Variants in ACACA observed in about 807,000 individuals in gnomAD.
ACACA encodes acetyl-CoA carboxylase alpha, also known as acetyl-CoA carboxylase 1.
A neutral mutation model predicts 296.1 loss-of-function variants in ACACA; 103 were observed. The observed-to-expected ratio is 0.35, with a 90% CI of 0.30 to 0.41. ACACA has a LOEUF of 0.41. Among genes scored for constraint, ACACA ranks in the 10% least tolerant of loss-of-function variants. ACACA has a pLI of 1.00. For synonymous variants in ACACA, 953 were observed against 1,038.6 expected, an observed-to-expected ratio of 0.92 and a Z score of 1.58; for missense variants, 1,554 against 2,989.7, an observed-to-expected ratio of 0.52 and a Z score of 11.20.
intron 1 of ACACA, among the ~76,000 whole-genome samples, chr17:37,385,611 A>G (rs971687543): frequency 6.6e-6 from 1 of 152,196 alleles, no homozygotes; most frequent in Non-Finnish European, 1.5e-5. Context: ...CACTTGCAGC[A>G]GTCATTAAGG....
Position 37,309,487 on chromosome 17 carries a change from T to C in ACACA, c.338+20686A>G, listed in dbSNP as rs559371552. Among the ~76,000 whole-genome samples, 7 of 152,190 alleles carry C rather than the reference T, an allele frequency of 4.6e-5. No individual in the cohort carries two copies. The East Asian group carries it at 1.2e-3, about 25-fold the overall frequency. On this transcript the variant is annotated intron_variant, in intron 3 of 55. Transcript: ENST00000616317. Reference sequence around the variant, plus strand: ...CATTACAAATTGTGATAAATGCTATTGCAATGGGAAAAAAAGGAACACTGT... The same window carrying C: ...CATTACAAATTGTGATAAATGCTATCGCAATGGGAAAAAAAGGAACACTGT...
At chr17:37,298,128 G>T (rs946887421) in intron 3 of ACACA, among the ~76,000 whole-genome samples, 2 of 151,864 alleles carry the variant, frequency 1.3e-5, no homozygotes, top group Non-Finnish European at 2.9e-5. Context: ...CAGCTATATT[G>T]TAGTTACTTT....
intron 12 of ACACA, 32 bp downstream of exon 12, chr17:37,259,328 T>C (rs373425621): frequency 6.2e-6 from 10 of 1,613,728 alleles, no homozygotes; most frequent in Middle Eastern, 1.7e-4. Context: ...CTGACTTTTC[T>C]AGGCTCTGCA....
At chr17:37,132,542 T>C (rs1007112440) in intron 45 of ACACA, among the ~76,000 whole-genome samples, 3 of 152,096 alleles carry the variant, frequency 2.0e-5, no homozygotes, top group Non-Finnish European at 4.4e-5. Context: ...AAAATAAAAT[T>C]GGAAAGGGGG....
chr17:37,189,896 C>T (rs545183902), intron 38 of ACACA, among the ~76,000 whole-genome samples: 1 of 151,878 alleles, frequency 6.6e-6, no homozygotes, highest in Non-Finnish European at 1.5e-5. Context: ...AAAAGTCTAC[C>T]AGGCATGATG....
chr17:37,205,657 G>T, intron 33 of ACACA, 108 bp downstream of exon 33: 1 of 886,170 alleles, frequency 1.1e-6, no homozygotes, highest in Non-Finnish European at 1.9e-6. Flanking sequence ...AGTTCTGAGA[G>T]TTATGATAAA....
chr17:37,203,188 C>G (rs2078348723), intron 33 of ACACA, among the ~76,000 whole-genome samples: 1 of 151,900 alleles, frequency 6.6e-6, no homozygotes, highest in African/African-American at 2.4e-5. Flanking sequence ...TCTTGAACTC[C>G]TGACCTTGTG....
At chr17:37,376,576 T>C (rs2050012270) in intron 1 of ACACA, among the ~76,000 whole-genome samples, 1 of 152,112 alleles carries the variant, frequency 6.6e-6, no homozygotes, top group South Asian at 2.1e-4. Flanking sequence ...TGATATTGGG[T>C]GGAATGGCAT....
intron 3 of ACACA, among the ~76,000 whole-genome samples, chr17:37,305,846 C>T (rs547004336): frequency 6.6e-6 from 1 of 151,654 alleles, no homozygotes; most frequent in Admixed American, 6.6e-5. Flanking sequence ...GGAACAATCC[C>T]AGACAAGAAT....
At chr17:37,238,992 A>C (rs1452995097) in intron 24 of ACACA, among the ~76,000 whole-genome samples, 1 of 151,900 alleles carries the variant, frequency 6.6e-6, no homozygotes, top group Non-Finnish European at 1.5e-5. Flanking sequence ...ATGCCTGGCT[A>C]ATTGTTTTTA....
intron 1 of ACACA, among the ~76,000 whole-genome samples, chr17:37,383,513 T>C (rs1597763180): frequency 1.3e-5 from 2 of 152,346 alleles, no homozygotes; most frequent in East Asian, 3.9e-4. Context: ...TCACTCATGA[T>C]ACATTTTTAT....
chr17:37,144,002 G>A (rs1342647011), intron 45 of ACACA: 1 of 806,260 alleles, frequency 1.2e-6, no homozygotes, highest in African/African-American at 1.7e-5. Flanking sequence ...AACGCTGAAG[G>A]AAGCCTCTTG....
intron 50 of ACACA, among the ~76,000 whole-genome samples, chr17:37,119,868 A>G (rs1204687243): frequency 1.3e-5 from 2 of 150,726 alleles, no homozygotes; most frequent in African/African-American, 4.9e-5. Flanking sequence ...GTATGTCTTA[A>G]GTATTTTCTT....
chr17:37,390,291 A>G (rs1186697760), intron 1 of ACACA, among the ~76,000 whole-genome samples: 1 of 45,112 alleles, frequency 2.2e-5, no homozygotes, highest in Non-Finnish European at 3.5e-5. Context: ...ATATAATTAT[A>G]TATTATACAT....
chr17:37,277,607 T>C (rs1240283125), intron 6 of ACACA, among the ~76,000 whole-genome samples: 2 of 152,248 alleles, frequency 1.3e-5, no homozygotes, highest in Non-Finnish European at 2.9e-5. Flanking sequence ...TTTAGGCTAA[T>C]ATTCCACAAC....
intron 54 of ACACA, among the ~76,000 whole-genome samples, chr17:37,095,508 G>A (rs1231283891): frequency 6.6e-6 from 1 of 152,154 alleles, no homozygotes; most frequent in Non-Finnish European, 1.5e-5. Flanking sequence ...AGCAAATCTG[G>A]GAGCTCCTCC....
At chr17:37,199,068 T>C (rs1215314227) in intron 35 of ACACA, among the ~76,000 whole-genome samples, 1 of 151,858 alleles carries the variant, frequency 6.6e-6, no homozygotes, top group African/African-American at 2.4e-5. Context: ...GGTGAACCCC[T>C]GTCTCTACTA....
chr17:37,230,427 TAAATA>T (rs1488266665), intron 25 of ACACA, among the ~76,000 whole-genome samples: 10 of 150,992 alleles, frequency 6.6e-5, no homozygotes, highest in Non-Finnish European at 1.5e-4. Context: ...AATAAATAAA[TAAATA>T]AATGTGAAGT....
intron 38 of ACACA, among the ~76,000 whole-genome samples, chr17:37,190,805 C>T (rs532098095): frequency 2.8e-4 from 42 of 152,238 alleles, no homozygotes; most frequent in African/African-American, 9.6e-4. Context: ...TAATACAAAA[C>T]AGGACCACTA....
Sources: allele counts gnomAD v4.1 joint callset (sites outside exome capture counted in the v4.1 genomes callset), GRCh38; gene constraint gnomAD v4.1.1; transcripts MANE v1.5; gene names NCBI Gene and HGNC (gene_info 2026-07-23, HGNC 2026-07-21).